Variants in FBXW11 observed in about 807,000 individuals in gnomAD.
The protein encoded by FBXW11 is F-box/WD repeat-containing protein 11.
FBXW11 carries 19 observed loss-of-function variants against 77.6 expected under a neutral mutation model. The ratio of observed to expected loss-of-function variants is 0.24; its 90% CI spans 0.17 to 0.36. The LOEUF is 0.36. Ranked by LOEUF, FBXW11 falls within the 10% of genes least tolerant of loss-of-function variation. FBXW11 has a pLI of 1.00. For missense variants in FBXW11, 334 were observed against 704.2 expected, an observed-to-expected ratio of 0.47 and a Z score of 5.95; for synonymous variants, 235 against 249.4, an observed-to-expected ratio of 0.94 and a Z score of 0.54.
At chr5:171,963,590 A>C (rs1252834847) in intron 1 of FBXW11, among the ~76,000 whole-genome samples, 3 of 152,214 alleles carry the variant, frequency 2.0e-5, no homozygotes, top group Admixed American at 6.5e-5. Context: ...AATGTGAATG[A>C]CTTTTTTTTC....
chr5:171,928,997 T>C (rs1277292181), intron 2 of FBXW11, among the ~76,000 whole-genome samples: 2 of 152,044 alleles, frequency 1.3e-5, no homozygotes, highest in African/African-American at 2.4e-5. Flanking sequence ...CACTTGAACC[T>C]GGGAGATGGA....
In FBXW11 at chr5:171,967,873, TATATATATATACAC is replaced by T. The variant is rs1431653005; in HGVS notation, c.46-10189_46-10176del. On this transcript the variant is annotated intron_variant, in intron 1 of 13. Transcript: ENST00000517395. ...AAAAATGCATATATATATATATATA[TATATATATATACAC>T]ACACACACACACACACACACACACA... Among the ~76,000 whole-genome samples the T allele has an allele frequency of 4.2e-3, 212 of 50,490 alleles. 1 individual carries two copies. The highest frequency in any genetic ancestry group is 8.1e-3 in the African/African-American group (146 of 17,988). 33.1% of individuals were successfully genotyped at this position (50,490 alleles called of 152,430 possible).
chr5:171,950,018 A>G (rs932540693), intron 2 of FBXW11, among the ~76,000 whole-genome samples: 10 of 152,190 alleles, frequency 6.6e-5, no homozygotes, highest in African/African-American at 2.4e-4. Context: ...ATGGCTTAAA[A>G]TGTCTCAAAA....
chr5:171,955,652 G>A (rs1456464324), intron 2 of FBXW11, among the ~76,000 whole-genome samples: 1 of 152,098 alleles, frequency 6.6e-6, no homozygotes, highest in East Asian at 1.9e-4. Context: ...GGACAAAACA[G>A]AGTAATGATT....
chr5:171,883,971 A>T (rs2113811010), intron 7 of FBXW11, among the ~76,000 whole-genome samples: 1 of 151,734 alleles, frequency 6.6e-6, no homozygotes, highest in Non-Finnish European at 1.5e-5. Context: ...GATTGTGAAG[A>T]TTTTCTCCCA....
chr5:171,966,562 C>T (rs1208015421), intron 1 of FBXW11, among the ~76,000 whole-genome samples: 1 of 152,146 alleles, frequency 6.6e-6, no homozygotes, highest in African/African-American at 2.4e-5. Context: ...CTAGGACCAG[C>T]GTGAGGTTCA....
intron 1 of FBXW11, among the ~76,000 whole-genome samples, chr5:171,991,480 C>T (rs915906637): frequency 2.0e-5 from 3 of 152,278 alleles, no homozygotes; most frequent in Admixed American, 6.5e-5. Flanking sequence ...TTAGGCCTCA[C>T]GTTGTGATGT....
chr5:171,899,071 C>G lies in FBXW11; in HGVS notation c.647G>C (p.Arg216Thr), dbSNP rs1759940548. The change falls in exon 6 of 14, where the codon AGA becomes ACA. Residue 216 changes from arginine to threonine, a missense_variant. Around this residue, in one of 10 missense-constraint regions of FBXW11, gnomAD observed 19 missense variants for 16.0 expected, o/e 1.19. Coordinates refer to ENST00000517395, the MANE Select transcript of FBXW11 (RefSeq NM_001378974.1). ...RGWDQYLFKN[R>T]PTDGPPNSFY... ...TGAATTTGGAGGGCCATCTGTGGGT[C>G]TGTTTTTAAACAGGTACTGATCCCT... 6.2e-7 allele frequency: 1 copy of G among 1,608,952 alleles called. No homozygotes were observed. Among genetic ancestry groups the G allele is most frequent in the Non-Finnish European group, 8.5e-7 (1 of 1,178,108 alleles).
rs187249903 is a variant in FBXW11 at position 171,954,068 on chromosome 5, G to T, written c.147+3529C>A. On this transcript the variant is annotated intron_variant, in intron 2 of 13. Transcript: ENST00000517395. ...GCAATCAGTCCTACCCCAGCAAAAGGCTTATCACTAACACTCTCCCCCAGC... is the reference window on the plus strand; with the variant it reads ...GCAATCAGTCCTACCCCAGCAAAAGTCTTATCACTAACACTCTCCCCCAGC... 3.9e-5 allele frequency among the ~76,000 whole-genome samples: 6 copies of T among 152,220 alleles called. No homozygotes were observed. In the East Asian group the frequency reaches 1.2e-3, roughly 29 times the overall value.
At chr5:171,958,889 A>C (rs1053235029) in intron 1 of FBXW11, among the ~76,000 whole-genome samples, 1 of 152,138 alleles carries the variant, frequency 6.6e-6, no homozygotes, top group Non-Finnish European at 1.5e-5. Context: ...AGAATAGCCA[A>C]ACACCCTCAT....
intron 1 of FBXW11, among the ~76,000 whole-genome samples, chr5:171,969,677 GA>G (rs1764414669): frequency 1.3e-5 from 2 of 152,228 alleles, no homozygotes; most frequent in South Asian, 4.1e-4. Flanking sequence ...CTGCCTTCAA[GA>G]GTATTAAAAC....
intron 1 of FBXW11, among the ~76,000 whole-genome samples, chr5:171,958,813 G>A (rs1763749086): frequency 6.6e-6 from 1 of 152,076 alleles, no homozygotes; most frequent in African/African-American, 2.4e-5. Context: ...GAGTGTTTGG[G>A]TTCAACCAAA....
chr5:171,910,452 G>A, intron 4 of FBXW11, 120 bp downstream of exon 4: 1 of 592,462 alleles, frequency 1.7e-6, no homozygotes, highest in Non-Finnish European at 3.0e-6. Context: ...ATTAAAGTAT[G>A]CGTCCCAAAG....
intron 1 of FBXW11, among the ~76,000 whole-genome samples, chr5:171,974,429 C>T (rs1157570553): frequency 2.7e-5 from 4 of 149,270 alleles, no homozygotes; most frequent in African/African-American, 7.4e-5. Flanking sequence ...AGCGAAACTC[C>T]GTCTCAAAAA....
intron 7 of FBXW11, among the ~76,000 whole-genome samples, chr5:171,891,143 A>AAC (rs1759318712): frequency 6.6e-6 from 1 of 152,190 alleles, no homozygotes; most frequent in Non-Finnish European, 1.5e-5. Flanking sequence ...CATAAAAGGT[A>AAC]ACACCTTTGG....
Position 171,917,008 on chromosome 5 carries a change from C to T in FBXW11, c.148-2603G>A, listed in dbSNP as rs543607158. Among the ~76,000 whole-genome samples, 3 of 152,126 alleles carry T rather than the reference C, an allele frequency of 2.0e-5. No individual in the cohort carries two copies. In the East Asian group the frequency reaches 5.8e-4, roughly 29 times the overall value. On this transcript the variant is annotated intron_variant, in intron 2 of 13. Coordinates refer to ENST00000517395, the MANE Select transcript of FBXW11 (RefSeq NM_001378974.1). ...TGATCTCAAATCACTGCAACTTCCA[C>T]CTCCCGGCTTCAAGCGATTCTCCCG...
rs1224210480 is a variant in FBXW11, at chr5:171,862,571, T to C, written c.*1556A>G. ...GGCGAAGGGCAAATCAAACCTAATA[T>C]TGAATAAGGGAGAAGGAGTGCCAAT... is the stretch of plus-strand genomic sequence containing the variant. On this transcript the variant is annotated 3_prime_UTR_variant, in exon 14 of 14. Transcript: ENST00000517395. 6.6e-6 allele frequency: 1 copy of C among 152,660 alleles called. No individual in the cohort carries two copies. The highest frequency in any genetic ancestry group is 2.4e-5 in the African/African-American group (1 of 41,458). The allele number at this position is 152,660 out of a possible 1,614,324, so 9.5% of individuals were successfully genotyped here.
At chr5:171,999,893 C>T (rs150638188) in intron 1 of FBXW11, among the ~76,000 whole-genome samples, 175 of 152,174 alleles carry the variant, frequency 1.1e-3, no homozygotes, top group African/African-American at 3.8e-3. Flanking sequence ...TTGTGAAGCT[C>T]TTCATTGTTA....
At chr5:171,961,150 T>C (rs752243283) in intron 1 of FBXW11, among the ~76,000 whole-genome samples, 2 of 152,204 alleles carry the variant, frequency 1.3e-5, no homozygotes, top group Admixed American at 1.3e-4. Flanking sequence ...CAAAATCGCA[T>C]AGTGCTGGGT....
Sources: gnomAD v4.1 joint callset for allele counts (sites outside exome capture counted in the v4.1 genomes callset) on GRCh38, gnomAD v4.1.1 for gene constraint, gnomAD v4.1.1 regional missense constraint, MANE v1.5 for transcripts, NCBI Gene and HGNC (gene_info 2026-07-23, HGNC 2026-07-21) for gene names.